ACTL7A: variants seen among roughly 807,000 people sequenced by gnomAD.
The protein encoded by ACTL7A is actin-like protein 7A.
A neutral mutation model predicts 30.3 loss-of-function variants in ACTL7A; 27 were observed. That is an observed-to-expected ratio of 0.89 (90% CI 0.66 to 1.23). The LOEUF is 1.23. Ranked by LOEUF, ACTL7A falls within the 50% of genes most tolerant of loss-of-function variation. ACTL7A has a pLI of 0.00. For missense variants in ACTL7A, 566 were observed against 571.8 expected, an observed-to-expected ratio of 0.99 and a Z score of 0.10; for synonymous variants, 259 against 241.4, an observed-to-expected ratio of 1.07 and a Z score of -0.67.
At position 108,862,388 on chromosome 9, in the gene ACTL7A, C is replaced by T. The variant is rs767399859; in HGVS notation, c.66C>T (p.Pro22=). Residue 22 remains proline (P), a synonymous_variant, in exon 1 of 1, where the codon CCC becomes CCT. Coordinates refer to ENST00000333999, the MANE Select transcript of ACTL7A (RefSeq NM_006687.4). The part of the protein sequence containing the change: ...GPTKKVGNQA[P]LQTQALQTAS... ...CCAAGAAGGTGGGCAACCAGGCCCC[C>T]CTGCAGACACAGGCCCTCCAGACTG... 2 of 1,613,932 alleles carry T rather than the reference C, an allele frequency of 1.2e-6. No homozygotes were observed. Among genetic ancestry groups the T allele is most frequent in the Admixed American group, 1.7e-5 (1 of 60,008 alleles).
chr9:108,863,522 G>A lies in ACTL7A; in HGVS notation c.1200G>A (p.Trp400Ter), dbSNP rs759140056. 3.1e-6 allele frequency: 5 copies of A among 1,614,072 alleles called. No individual in the cohort carries two copies. Among genetic ancestry groups the A allele is most frequent in the African/African-American group, 1.3e-5 (1 of 74,946 alleles). ...TGCCTGAAAGAGACAGTGCCGTGTG[G>A]ACCGGTGGCTCCATCCTGGCCTCAC... ...NVLPERDSAV[W>*]TGGSILASLQ... The change falls in exon 1 of 1, where the codon TGG becomes TGA. Residue 400 changes from tryptophan to a stop codon, truncating the protein, a stop_gained. Coordinates refer to ENST00000333999, the MANE Select transcript of ACTL7A (RefSeq NM_006687.4). LOFTEE classifies it high-confidence loss of function.
chr9:108,863,582 T>A lies in ACTL7A; in HGVS notation c.1260T>A (p.Phe420Leu), dbSNP rs567391469. Residue 420 changes from phenylalanine to leucine, a missense_variant, in exon 1 of 1, where the codon TTT (phenylalanine) becomes TTA (leucine). Coordinates refer to ENST00000333999, the MANE Select transcript of ACTL7A (RefSeq NM_006687.4). ...QGFQPLWVHR[F>L]EYEEHGPFFL... ...TCCAACCATTGTGGGTCCACCGCTT[T>A]GAGTACGAGGAACACGGGCCTTTCT... 2 of 1,613,966 alleles carry A rather than the reference T, an allele frequency of 1.2e-6. No homozygotes were observed. Among genetic ancestry groups the A allele is most frequent in the Admixed American group, 3.3e-5 (2 of 60,002 alleles).
chr9:108,863,233 C>T lies in ACTL7A; in HGVS notation c.911C>T (p.Pro304Leu). Residue 304 changes from proline to leucine, a missense_variant, in exon 1 of 1, where the codon CCG becomes CTG. By Grantham distance (98) the Pro-to-Leu change is moderately conservative. Coordinates refer to ENST00000333999, the MANE Select transcript of ACTL7A (RefSeq NM_006687.4). ...LSEHTIRYVL[P>L]DGKEIQLCQE... ...GAGCATACGATCCGCTACGTGCTGC[C>T]GGATGGGAAGGAGATTCAGCTGTGC... 6.2e-7 allele frequency: 1 copy of T among 1,614,080 alleles called. No homozygotes were observed. Among genetic ancestry groups the T allele is most frequent in the East Asian group, 2.2e-5 (1 of 44,868 alleles).
Position 108,862,972 on chromosome 9 carries a change from T to G in ACTL7A, c.650T>G (p.Val217Gly), listed in dbSNP as rs1564200814. The change falls in exon 1 of 1, where the codon GTG becomes GGG. Residue 217 changes from valine (V) to glycine (G), a missense_variant. Physicochemically the swap from Val to Gly is moderately radical, Grantham distance 109. Coordinates refer to ENST00000333999, the MANE Select transcript of ACTL7A (RefSeq NM_006687.4). ...TATGGAAGGACCTCCGGCCTGGTGG[T>G]GGAGGTGGGCCATGGCGTGTCCTAC... ...YSYGRTSGLV[V>G]EVGHGVSYVV... 6 of 1,609,244 alleles carry G rather than the reference T, an allele frequency of 3.7e-6. No homozygotes were observed. The highest frequency in any genetic ancestry group is 5.1e-6 in the Non-Finnish European group (6 of 1,176,998).
At position 108,862,768 on chromosome 9, in the gene ACTL7A, T is replaced by A. The variant is rs751946245; in HGVS notation, c.446T>A (p.Ile149Asn). 3.7e-6 allele frequency: 6 copies of A among 1,614,048 alleles called. No individual in the cohort carries two copies. Among genetic ancestry groups the A allele is most frequent in the African/African-American group, 2.7e-5 (2 of 74,932 alleles). The change falls in exon 1 of 1, where the codon ATC becomes AAC. Residue 149 changes from isoleucine (I) to asparagine (N), a missense_variant. Coordinates refer to ENST00000333999, the MANE Select transcript of ACTL7A (RefSeq NM_006687.4). Reference sequence around the variant, plus strand: ...GTGGACTGGGATACAGTGCAGGATATCTGGGAATATCTCTTCCGACAAGAG... The same window carrying A: ...GTGGACTGGGATACAGTGCAGGATAACTGGGAATATCTCTTCCGACAAGAG... ...IIVDWDTVQD[I>N]WEYLFRQEMK...
Position 108,862,676 on chromosome 9 carries a change from G to A in ACTL7A, c.354G>A (p.Val118=), listed in dbSNP as rs769796425. 16 of 1,614,174 alleles carry A rather than the reference G, an allele frequency of 9.9e-6. No homozygotes were observed. The Admixed American group carries it at 1.8e-4, about 18-fold the overall frequency. The change falls in exon 1 of 1, where the codon GTG becomes GTA. Residue 118 remains valine (V), a synonymous_variant. Coordinates refer to ENST00000333999, the MANE Select transcript of ACTL7A (RefSeq NM_006687.4). ...GGGATAATCGCAAGGAGACATTCGT[G>A]GGGCAGGAACTCAACAACACAAACG... ...KTGDNRKETF[V]GQELNNTNVH...
At position 108,863,309 on chromosome 9, in the gene ACTL7A, G is replaced by C. The variant is rs1384107185; in HGVS notation, c.987G>C (p.Lys329Asn). The C allele has an allele frequency of 6.2e-7, 1 of 1,614,034 alleles. No homozygotes were observed. The highest frequency in any genetic ancestry group is 1.3e-5 in the African/African-American group (1 of 74,922). The change falls in exon 1 of 1, where the codon AAG (lysine) becomes AAC (asparagine). Residue 329 changes from lysine (K) to asparagine (N), a missense_variant. Transcript: ENST00000333999. The stretch of plus-strand genomic sequence containing the variant: ...TGTTCTTCAAGCCATCTCTCATCAA[G>C]TCCATGCAGCTGGGCCTCCACACCC... ...SEMFFKPSLI[K>N]SMQLGLHTQT...
At position 108,863,592 on chromosome 9, in the gene ACTL7A, GA is replaced by G. The variant is rs1827202944; in HGVS notation, c.1272del (p.Glu424AspfsTer30). The G allele has an allele frequency of 6.2e-7, 1 of 1,613,320 alleles. No individual in the cohort carries two copies. The highest frequency in any genetic ancestry group is 1.7e-5 in the Admixed American group (1 of 59,948). ...GTGGGTCCACCGCTTTGAGTACGAG[GA>G]ACACGGGCCTTTCTTCCTCTACAGA... is the stretch of plus-strand genomic sequence containing the variant. ...PLWVHRFEYE[E>X]HGPFFLYRRC... is the part of the protein sequence containing the mutation. On this transcript the variant is annotated frameshift_variant, in exon 1 of 1. Coordinates refer to ENST00000333999, the MANE Select transcript of ACTL7A (RefSeq NM_006687.4). LOFTEE classifies it high-confidence loss of function.
rs746881341 is a variant in ACTL7A at position 108,863,316 on chromosome 9, C to T, written c.994C>T (p.Gln332Ter). 4.3e-6 allele frequency: 7 copies of T among 1,614,076 alleles called. No homozygotes were observed. In the Admixed American group the frequency reaches 1.2e-4, roughly 27 times the overall value. The change falls in exon 1 of 1, where the codon CAG becomes TAG. Residue 332 changes from glutamine (Q) to a stop codon, truncating the protein, a stop_gained. Transcript: ENST00000333999. LOFTEE classifies it high-confidence loss of function. ...CAAGCCATCTCTCATCAAGTCCATG[C>T]AGCTGGGCCTCCACACCCAAACCGT... is the stretch of plus-strand genomic sequence containing the variant. ...FFKPSLIKSM[Q>*]LGLHTQTVSC...
chr9:108,862,289 A>G lies in ACTL7A; in HGVS notation c.-34A>G, dbSNP rs1374140193. The G allele has an allele frequency of 1.3e-6, 2 of 1,555,476 alleles. No homozygotes were observed. The highest frequency in any genetic ancestry group is 2.8e-5 in the African/African-American group (2 of 72,532). The stretch of plus-strand genomic sequence containing the variant: ...TCAGGCCTTGAATCCAGTGGGATTG[A>G]GAACTTTCTAAGAGTGGTGCGGCTC... On this transcript the variant is annotated 5_prime_UTR_variant, in exon 1 of 1. Transcript: ENST00000333999.
chr9:108,863,598 G>A lies in ACTL7A; in HGVS notation c.1276G>A (p.Gly426Arg), dbSNP rs534593253. ...WVHRFEYEEH[G>R]PFFLYRRCF Reference sequence around the variant, plus strand: ...CCACCGCTTTGAGTACGAGGAACACGGGCCTTTCTTCCTCTACAGAAGGTG... The same window carrying A: ...CCACCGCTTTGAGTACGAGGAACACAGGCCTTTCTTCCTCTACAGAAGGTG... Residue 426 changes from glycine (G) to arginine (R), a missense_variant, in exon 1 of 1, where the codon GGG (glycine) becomes AGG (arginine). By Grantham distance (125) the Gly-to-Arg change is moderately radical. Transcript: ENST00000333999. 5.6e-6 allele frequency: 9 copies of A among 1,612,750 alleles called. No individual in the cohort carries two copies. Among genetic ancestry groups the A allele is most frequent in the Middle Eastern group, 1.7e-4 (1 of 6,060 alleles).
chr9:108,862,362 A>T lies in ACTL7A; in HGVS notation c.40A>T (p.Thr14Ser). The T allele has an allele frequency of 6.2e-7, 1 of 1,613,464 alleles. No homozygotes were observed. The highest frequency in any genetic ancestry group is 8.5e-7 in the Non-Finnish European group (1 of 1,179,826). ...PPAAIMGDGP[T>S]KKVGNQAPLQ... Reference sequence around the variant, plus strand: ...AGCAGCAATCATGGGGGATGGGCCCACCAAGAAGGTGGGCAACCAGGCCCC... The same window carrying T: ...AGCAGCAATCATGGGGGATGGGCCCTCCAAGAAGGTGGGCAACCAGGCCCC... Residue 14 changes from threonine (T) to serine (S), a missense_variant, in exon 1 of 1, where the codon ACC becomes TCC. Transcript: ENST00000333999.
In ACTL7A at chr9:108,862,738, T is replaced by A; in HGVS notation, c.416T>A (p.Ile139Asn). The A allele has an allele frequency of 1.2e-6, 2 of 1,614,182 alleles. No homozygotes were observed. The highest frequency in any genetic ancestry group is 1.7e-6 in the Non-Finnish European group (2 of 1,180,030). Residue 139 changes from isoleucine (I) to asparagine (N), a missense_variant, in exon 1 of 1, where the codon ATC becomes AAC. Transcript: ENST00000333999. ...LKLVNPLRHGIIVDWDTVQDI... is the reference protein window; with the variant it reads ...LKLVNPLRHGNIVDWDTVQDI... ...CTGGTTAACCCTCTGCGACATGGCA[T>A]CATCGTGGACTGGGATACAGTGCAG...
Position 108,863,405 on chromosome 9 carries a change from C to G in ACTL7A, c.1083C>G (p.Cys361Trp). Residue 361 changes from cysteine (C) to tryptophan (W), a missense_variant, in exon 1 of 1, where the codon TGC (cysteine) becomes TGG (tryptophan). Transcript: ENST00000333999. ...ACCTCATGGGGAACATCCTGCTCTG[C>G]GGGGGCAGCACGATGCTCAGTGGCT... ...KRDLMGNILL[C>W]GGSTMLSGFP... is the part of the protein sequence containing the mutation. The G allele has an allele frequency of 1.2e-6, 2 of 1,614,144 alleles. No homozygotes were observed. Among genetic ancestry groups the G allele is most frequent in the South Asian group, 2.2e-5 (2 of 91,082 alleles).
Position 108,863,573 on chromosome 9 carries a change from C to T in ACTL7A, c.1251C>T (p.Val417=). 1.2e-6 allele frequency: 2 copies of T among 1,614,082 alleles called. No homozygotes were observed. Among genetic ancestry groups the T allele is most frequent in the South Asian group, 1.1e-5 (1 of 91,062 alleles). Residue 417 remains valine, a synonymous_variant, in exon 1 of 1, where the codon GTC becomes GTT. Transcript: ENST00000333999. ...TTCAGGGTTTCCAACCATTGTGGGT[C>T]CACCGCTTTGAGTACGAGGAACACG... ...ASLQGFQPLW[V]HRFEYEEHGP... is the part of the protein sequence containing the mutation.
In ACTL7A at chr9:108,862,441, G is replaced by C; in HGVS notation, c.119G>C (p.Arg40Pro). Reference protein sequence around the residue: ...TASLRDGPAKRAVWVRHTSSE... With the variant: ...TASLRDGPAKPAVWVRHTSSE... ...TCTTTAAGGGATGGCCCGGCGAAGC[G>C]GGCCGTGTGGGTCCGCCATACGAGT... Residue 40 changes from arginine to proline, a missense_variant, in exon 1 of 1, where the codon CGG (arginine) becomes CCG (proline). Transcript: ENST00000333999. 1 of 1,614,084 alleles carries C rather than the reference G, an allele frequency of 6.2e-7. No individual in the cohort carries two copies. The highest frequency in any genetic ancestry group is 8.5e-7 in the Non-Finnish European group (1 of 1,180,030).
At position 108,863,529 on chromosome 9, in the gene ACTL7A, G is replaced by A. The variant is rs151067634; in HGVS notation, c.1207G>A (p.Gly403Ser). The change falls in exon 1 of 1, where the codon GGC becomes AGC. Residue 403 changes from glycine (G) to serine (S), a missense_variant. By Grantham distance (56) the Gly-to-Ser change is moderately conservative. Coordinates refer to ENST00000333999, the MANE Select transcript of ACTL7A (RefSeq NM_006687.4). ...AAGAGACAGTGCCGTGTGGACCGGT[G>A]GCTCCATCCTGGCCTCACTTCAGGG... ...PERDSAVWTG[G>S]SILASLQGFQ... The A allele has an allele frequency of 2.1e-5, 34 of 1,614,044 alleles. No individual in the cohort carries two copies. Among genetic ancestry groups the A allele is most frequent in the Non-Finnish European group, 2.8e-5 (33 of 1,180,042 alleles).
In ACTL7A at chr9:108,862,871, T is replaced by G; in HGVS notation, c.549T>G (p.Tyr183Ter). The G allele has an allele frequency of 6.2e-7, 1 of 1,613,382 alleles. No homozygotes were observed. Among genetic ancestry groups the G allele is most frequent in the Non-Finnish European group, 8.5e-7 (1 of 1,179,536 alleles). The change falls in exon 1 of 1, where the codon TAT (tyrosine) becomes TAG (stop). Residue 183 changes from tyrosine to a stop codon, truncating the protein, a stop_gained. Coordinates refer to ENST00000333999, the MANE Select transcript of ACTL7A (RefSeq NM_006687.4). LOFTEE classifies it high-confidence loss of function. ...GCCCACACACCAACAGAGAGAAATA[T>G]GCTGAAATGCTGTTTGAAGCCTTCA... is the stretch of plus-strand genomic sequence containing the variant. Reference protein sequence around the residue: ...PLSPHTNREKYAEMLFEAFNT... With the variant: ...PLSPHTNREK
Position 108,862,392 on chromosome 9 carries a change from C to T in ACTL7A, c.70C>T (p.Gln24Ter). Residue 24 changes from glutamine to a stop codon, truncating the protein, a stop_gained, in exon 1 of 1, where the codon CAG (glutamine) becomes TAG (stop). Coordinates refer to ENST00000333999, the MANE Select transcript of ACTL7A (RefSeq NM_006687.4). LOFTEE classifies it high-confidence loss of function. The stretch of plus-strand genomic sequence containing the variant: ...GAAGGTGGGCAACCAGGCCCCCCTG[C>T]AGACACAGGCCCTCCAGACTGCCTC... ...TKKVGNQAPLQTQALQTASLR... is the reference protein window; with the variant it reads ...TKKVGNQAPL 6.2e-7 allele frequency: 1 copy of T among 1,614,066 alleles called. No homozygotes were observed. The highest frequency in any genetic ancestry group is 8.5e-7 in the Non-Finnish European group (1 of 1,180,020).
Sources: allele counts gnomAD v4.1 joint callset, GRCh38; gene constraint gnomAD v4.1.1; transcripts MANE v1.5; gene names NCBI Gene and HGNC (gene_info 2026-07-23, HGNC 2026-07-21).